Variants in MFSD12 observed in about 807,000 individuals in gnomAD.
MFSD12 encodes the protein major facilitator superfamily domain-containing protein 12.
Under a neutral mutation model 51.2 loss-of-function variants are expected in MFSD12, and 67 were observed. The ratio of observed to expected loss-of-function variants is 1.31; its 90% confidence interval spans 1.08 to 1.60. The LOEUF (loss-of-function observed/expected upper bound fraction) is 1.60, where lower values mean the gene tolerates loss of function less well. MFSD12 is among the 40% of genes most tolerant of loss of function. The probability of loss-of-function intolerance (pLI) is 0.00; values close to 1 mark genes in which losing one functional copy is unlikely to be tolerated. For missense variants in MFSD12, 921 were observed against 673.0 expected (o/e 1.37, Z -4.08); for synonymous variants, 441 against 316.7 (o/e 1.39, Z -4.17).
chr19:3,540,480 TCTC>T (rs1038509303), downstream of MFSD12, among the ~76,000 whole-genome samples: 10 of 150,852 alleles, frequency 6.6e-5, no homozygotes, highest in African/African-American at 2.2e-4. Flanking sequence ...ATGGTCTCGA[TCTC>T]CTGACCTCAT....
At chr19:3,545,497 C>T (rs2030929047) in intron 8 of MFSD12, among the ~76,000 whole-genome samples, 1 of 152,282 alleles carries the variant, frequency 6.6e-6, no homozygotes, top group Non-Finnish European at 1.5e-5. Flanking sequence ...CTACTTGTCC[C>T]TCCCCATTGG....
At chr19:3,542,942 T>C (rs780150573), downstream of MFSD12, 1 of 1,486,778 alleles carries the variant, frequency 6.7e-7, no homozygotes, top group South Asian at 1.1e-5. Context: ...CCAGGGCCCT[T>C]GTCCTCTCCC....
At chr19:3,556,592 C>T (rs557835290) in intron 1 of MFSD12, among the ~76,000 whole-genome samples, 4 of 112,602 alleles carry the variant, frequency 3.6e-5, no homozygotes, top group Non-Finnish European at 7.0e-5. Flanking sequence ...CACAGTCAGA[C>T]GGGGGAGGCT....
At chr19:3,556,051 G>A (rs1047718464) in intron 1 of MFSD12, among the ~76,000 whole-genome samples, 13 of 152,222 alleles carry the variant, frequency 8.5e-5, no homozygotes, top group Admixed American at 5.2e-4. Context: ...CCTGACCCTG[G>A]CCAGACAGAT....
downstream of MFSD12, chr19:3,543,422 T>G (rs1488822927): frequency 5.8e-6 from 9 of 1,545,238 alleles, no homozygotes. Flanking sequence ...CCGCGAGGCC[T>G]ACAACCGCTG....
At chr19:3,544,022 C>G (rs779846158), downstream of MFSD12, 2 of 1,525,562 alleles carry the variant, frequency 1.3e-6, no homozygotes, top group Non-Finnish European at 1.8e-6. Context: ...GGCATGCTAC[C>G]AGGATGCACC....
downstream of MFSD12, chr19:3,541,982 G>A (rs1248025516): frequency 1.2e-5 from 5 of 413,634 alleles, no homozygotes; most frequent in Non-Finnish European, 1.6e-5. Context: ...ACTAATTTTT[G>A]TATTTTTAGT....
chr19:3,547,895 G>C lies in MFSD12; in HGVS notation c.790C>G (p.Pro264Ala). Residue 264 changes from proline to alanine, a missense_variant, in exon 4 of 10, where the codon CCC becomes GCC. Transcript: ENST00000355415. ...AGCCAGTGCTTCCAGAGCAGCAGGG[G>C]CTGGGCCGTGGCAGGGGCCAACAGG... ...TPLLAPATAQ[P>A]LLLWKHWLRE... The C allele has an allele frequency of 6.4e-7, 1 of 1,563,102 alleles. No homozygotes were observed. Among genetic ancestry groups the C allele is most frequent in the Non-Finnish European group, 8.6e-7 (1 of 1,162,960 alleles).
At chr19:3,539,361 C>G, downstream of MFSD12, 1 of 703,680 alleles carries the variant, frequency 1.4e-6, no homozygotes, top group Non-Finnish European at 2.5e-6. Context: ...GCACGTGTCA[C>G]TCGTTATTCC....
At chr19:3,545,902 C>T (rs768333103) in intron 8 of MFSD12, among the ~76,000 whole-genome samples, 172 bp downstream of exon 8, 15 of 152,178 alleles carry the variant, frequency 9.9e-5, no homozygotes, top group South Asian at 4.1e-4. Context: ...AGTGAATAAA[C>T]GAAGTGCTCA....
Position 3,548,132 on chromosome 19 carries a change from G to C in MFSD12, c.645C>G (p.Pro215=). The C allele has an allele frequency of 6.2e-7, 1 of 1,606,838 alleles. No homozygotes were observed. The highest frequency in any genetic ancestry group is 8.5e-7 in the Non-Finnish European group (1 of 1,178,782). The part of the protein sequence containing the change: ...ISDQLGGQDV[P]VFRNLSLLVV... ...CCGGACTCCAGCTCACCCGGAACAC[G>C]GGCACGTCCTGGCCCCCCAGCTGGT... is the stretch of plus-strand genomic sequence containing the variant. Residue 215 remains proline, a synonymous_variant, in exon 3 of 10, where the codon CCC becomes CCG. Transcript: ENST00000355415.
rs182359182 is a variant in MFSD12, at chr19:3,544,296, C to T, written c.*414G>A. 205 of 1,282,242 alleles carry T rather than the reference C, an allele frequency of 1.6e-4. 1 individual carries two copies. The highest frequency in any genetic ancestry group is 9.0e-4 in the Middle Eastern group (3 of 3,340). The allele number at this position is 1,282,242 out of a possible 1,614,324, so 79.4% of individuals were successfully genotyped here. ...GGGGTCCAGGCCCAGCCCACCACCC[C>T]GTGGCTGTCTCCTCCAGGCTCCAGC... On this transcript the variant is annotated 3_prime_UTR_variant, in exon 10 of 10. Transcript: ENST00000355415.
In MFSD12 at chr19:3,557,200, G is replaced by C; in HGVS notation, c.204C>G (p.Ala68=). Residue 68 remains alanine, a synonymous_variant, in exon 1 of 10, where the codon GCC becomes GCG. Coordinates refer to ENST00000355415, the MANE Select transcript of MFSD12 (RefSeq NM_174983.5). ...AGLLLLLGQV[A]DGLCTPLVGY... is the part of the protein sequence containing the mutation. ...CCACGAGCGGTGTGCACAGCCCGTC[G>C]GCCACCTGGCCCAGCAGCAGCAGCA... 4 of 1,571,292 alleles carry C rather than the reference G, an allele frequency of 2.5e-6. No homozygotes were observed. The highest frequency in any genetic ancestry group is 3.4e-6 in the Non-Finnish European group (4 of 1,161,440).
chr19:3,554,308 G>A lies in MFSD12; in HGVS notation c.298+2798C>T, dbSNP rs189948951. Among the ~76,000 whole-genome samples, 69 of 151,682 alleles carry A rather than the reference G, an allele frequency of 4.5e-4. No individual in the cohort carries two copies. The East Asian group carries it at 9.5e-3, about 21-fold the overall frequency. On this transcript the variant is annotated intron_variant, in intron 1 of 9. Coordinates refer to ENST00000355415, the MANE Select transcript of MFSD12 (RefSeq NM_174983.5). ...AAAAATTAGCCGGCTTTGGTGGCACGTGCCTGTAATCCCAGCTACTCAGGA... is the reference window on the plus strand; with the variant it reads ...AAAAATTAGCCGGCTTTGGTGGCACATGCCTGTAATCCCAGCTACTCAGGA...
downstream of MFSD12, chr19:3,543,171 C>G (rs1437323572): frequency 4.6e-6 from 7 of 1,520,728 alleles, no homozygotes; most frequent in Admixed American, 1.4e-4. Flanking sequence ...TGGCAGACAT[C>G]GCAAAGGGGT....
At chr19:3,556,257 T>C (rs535679523) in intron 1 of MFSD12, among the ~76,000 whole-genome samples, 2 of 152,302 alleles carry the variant, frequency 1.3e-5, no homozygotes, top group South Asian at 2.1e-4. Context: ...GTCACCCTAA[T>C]AGACGAGCTC....
chr19:3,557,260 G>A lies in MFSD12; in HGVS notation c.144C>T (p.His48=), dbSNP rs200897328. Reference sequence around the variant, plus strand: ...CGCGGGAGCTGTAGGCGCGCACCGAGTGCAGGTAGAGCAGCAGGTAGGTGA... The same window carrying A: ...CGCGGGAGCTGTAGGCGCGCACCGAATGCAGGTAGAGCAGCAGGTAGGTGA... The part of the protein sequence containing the change: ...MWFTYLLLYL[H]SVRAYSSRGA... The change falls in exon 1 of 10, where the codon CAC becomes CAT. Residue 48 remains histidine, a synonymous_variant. Transcript: ENST00000355415. The A allele has an allele frequency of 4.4e-6, 7 of 1,598,332 alleles. No homozygotes were observed. Among genetic ancestry groups the A allele is most frequent in the Middle Eastern group, 1.7e-4 (1 of 5,982 alleles).
At chr19:3,541,542 C>T (rs531963434), downstream of MFSD12, 10 of 420,482 alleles carry the variant, frequency 2.4e-5, 1 homozygote, top group Admixed American at 7.0e-5. Context: ...AGGCTGGTCT[C>T]AAACTCCTGA....
At position 3,546,315 on chromosome 19, in the gene MFSD12, GCCAGCAC is replaced by G. The variant is rs757747148; in HGVS notation, c.1127_1133del (p.Gly376AlafsTer12). On this transcript the variant is annotated frameshift_variant, in exon 7 of 10. Coordinates refer to ENST00000355415, the MANE Select transcript of MFSD12 (RefSeq NM_174983.5). LOFTEE classifies it high-confidence loss of function. ...GCGAGGTGACGAGGATGGTGGCACA[GCCAGCAC>G]CCAGCAGCACAGCCGCTGCGTACAC... 5.0e-5 allele frequency: 80 copies of G among 1,609,380 alleles called. No homozygotes were observed. Among genetic ancestry groups the G allele is most frequent in the Non-Finnish European group, 6.4e-5 (75 of 1,178,746 alleles).
Sources: gnomAD v4.1 joint callset for allele counts (sites outside exome capture counted in the v4.1 genomes callset) on GRCh38, gnomAD v4.1.1 for gene constraint, MANE v1.5 for transcripts, NCBI Gene and HGNC (gene_info 2026-07-23, HGNC 2026-07-21) for gene names.